The following MIPOL1 variants were observed in gnomAD, a reference collection of about 807,000 sequenced individuals.
The protein encoded by MIPOL1 is mirror-image polydactyly 1.
In MIPOL1, 57 loss-of-function variants were observed where a neutral mutation model predicts 60.9. The ratio of observed to expected loss-of-function variants is 0.94; its 90% CI spans 0.76 to 1.17. MIPOL1 has a LOEUF of 1.17. MIPOL1 is among the 50% of genes most tolerant of loss of function. The pLI is 0.00. For synonymous variants in MIPOL1, 179 were observed against 168.8 expected (o/e 1.06, Z -0.47); for missense variants, 551 against 511.6 (o/e 1.08, Z -0.74).
At chr14:37,351,858 T>C (rs1384963170) in intron 9 of MIPOL1, among the ~76,000 whole-genome samples, 1 of 150,878 alleles carries the variant, frequency 6.6e-6, no homozygotes, top group South Asian at 2.1e-4. Flanking sequence ...ATTTTGTAGG[T>C]TGCCTGTTCA....
At position 37,532,082 on chromosome 14, in the gene MIPOL1, T is replaced by G. The variant is rs572531207; in HGVS notation, c.1263-14823T>G. Among the ~76,000 whole-genome samples, 36 of 152,298 alleles carry G rather than the reference T, an allele frequency of 2.4e-4. No individual in the cohort carries two copies. The East Asian group carries it at 6.9e-3, about 29-fold the overall frequency. On this transcript the variant is annotated intron_variant, in intron 12 of 12. Coordinates refer to ENST00000684589, the MANE Select transcript of MIPOL1 (RefSeq NM_001388067.1). ...TTCGTAACTCTCTAAATCATAATCA[T>G]TATAAATAAATGAGGCCTTAATTGT...
chr14:37,417,499 A>G (rs1336321029), intron 10 of MIPOL1, among the ~76,000 whole-genome samples: 1 of 152,184 alleles, frequency 6.6e-6, no homozygotes, highest in Admixed American at 6.5e-5. Context: ...AAGCAATCCA[A>G]GCCTTCCTGT....
chr14:37,210,006 G>T (rs949979047), intron 1 of MIPOL1, among the ~76,000 whole-genome samples: 2 of 151,990 alleles, frequency 1.3e-5, no homozygotes, highest in Non-Finnish European at 2.9e-5. Context: ...ACTGCACCCT[G>T]CCAGATGGAT....
At chr14:37,323,593 T>C (rs2088837804) in intron 9 of MIPOL1, among the ~76,000 whole-genome samples, 1 of 152,056 alleles carries the variant, frequency 6.6e-6, no homozygotes, top group Non-Finnish European at 1.5e-5. Context: ...ACTTTTTATT[T>C]GCTCACAATT....
intron 12 of MIPOL1, chr14:37,504,227 A>G (rs1241001098): frequency 6.6e-6 from 1 of 152,190 alleles, no homozygotes; most frequent in African/African-American, 2.4e-5. Context: ...GATATCCAGG[A>G]CTTGAACTCA....
At chr14:37,246,817 T>C (rs1200619274) in intron 1 of MIPOL1, among the ~76,000 whole-genome samples, 1 of 152,098 alleles carries the variant, frequency 6.6e-6, no homozygotes. Flanking sequence ...TTTTACTAAT[T>C]GCTGGCATTC....
chr14:37,407,533 A>G (rs1355894966), intron 10 of MIPOL1, among the ~76,000 whole-genome samples: 1 of 152,200 alleles, frequency 6.6e-6, no homozygotes, highest in African/African-American at 2.4e-5. Context: ...GTAAGTTAGA[A>G]TATGTGGCCG....
chr14:37,228,766 G>A (rs1018807872), intron 1 of MIPOL1, among the ~76,000 whole-genome samples: 2 of 152,112 alleles, frequency 1.3e-5, no homozygotes, highest in African/African-American at 4.8e-5. Flanking sequence ...TGTGTAATTA[G>A]TGTTGCAAGG....
At chr14:37,237,761 G>C (rs1971715116) in intron 1 of MIPOL1, among the ~76,000 whole-genome samples, 1 of 152,130 alleles carries the variant, frequency 6.6e-6, no homozygotes, top group Admixed American at 6.6e-5. Flanking sequence ...GTCTGGCTAA[G>C]ACACTGTGCA....
intron 9 of MIPOL1, among the ~76,000 whole-genome samples, chr14:37,363,771 A>G (rs2092370989): frequency 6.6e-6 from 1 of 152,108 alleles, no homozygotes; most frequent in Non-Finnish European, 1.5e-5. Context: ...GGCCTTCCCG[A>G]GCTGTGGTGG....
chr14:37,500,141 A>G lies in MIPOL1; in HGVS notation c.1262+3A>G, dbSNP rs778212331. On this transcript the variant is annotated splice_donor_region_variant and intron_variant, in intron 12 of 12. Coordinates refer to ENST00000684589, the MANE Select transcript of MIPOL1 (RefSeq NM_001388067.1). Reference sequence around the variant, plus strand: ...GTGGCCAATGAAAAAGTTCAAAAGTAAGTTAAATGATCTTGTAATAATACT... The same window carrying G: ...GTGGCCAATGAAAAAGTTCAAAAGTGAGTTAAATGATCTTGTAATAATACT... 5.7e-6 allele frequency: 9 copies of G among 1,577,488 alleles called. No individual in the cohort carries two copies. In the South Asian group the frequency reaches 7.9e-5, roughly 14 times the overall value.
intron 12 of MIPOL1, chr14:37,545,892 CTG>C (rs1281525172): frequency 2.8e-6 from 1 of 354,850 alleles, no homozygotes; most frequent in Non-Finnish European, 5.1e-6. Context: ...GCAGACTAGA[CTG>C]TGCCGCTTAC....
intron 1 of MIPOL1, among the ~76,000 whole-genome samples, chr14:37,245,739 G>GA (rs746106746): frequency 1.3e-5 from 2 of 152,104 alleles, no homozygotes; most frequent in Non-Finnish European, 2.9e-5. Context: ...TATCAGAGAA[G>GA]ATGTTCAAAT....
chr14:37,523,399 A>G (rs1314909962), intron 12 of MIPOL1: 4 of 352,452 alleles, frequency 1.1e-5, no homozygotes, highest in Non-Finnish European at 2.1e-5. Flanking sequence ...AAATCATTAC[A>G]GATATCCCAG....
Position 37,308,049 on chromosome 14 carries a change from T to C in MIPOL1, c.624-7T>C. The C allele has an allele frequency of 1.2e-6, 2 of 1,609,940 alleles. No homozygotes were observed. The highest frequency in any genetic ancestry group is 1.7e-6 in the Non-Finnish European group (2 of 1,177,762). ...CTGATCAGGCTTTCTGTGTCCCTTT[T>C]TTCTAGGCTAGAAAATATTAACCCT... On this transcript the variant is annotated splice_region_variant and splice_polypyrimidine_tract_variant and intron_variant, in intron 7 of 12. Transcript: ENST00000684589.
chr14:37,229,654 A>C lies in MIPOL1; in HGVS notation c.-198-17449A>C, dbSNP rs191581661. 5.3e-3 allele frequency among the ~76,000 whole-genome samples: 810 copies of C among 152,264 alleles called. 6 individuals carry two copies. Among genetic ancestry groups the C allele is most frequent in the Non-Finnish European group, 9.0e-3 (610 of 68,014 alleles). On this transcript the variant is annotated intron_variant, in intron 1 of 12. Transcript: ENST00000684589. ...AGAAATAAAACTATTAGGAGGAAAAATCTGTTACGGTCACTACTGATTATA... is the reference window on the plus strand; with the variant it reads ...AGAAATAAAACTATTAGGAGGAAAACTCTGTTACGGTCACTACTGATTATA...
chr14:37,509,541 G>A (rs867458679), intron 12 of MIPOL1, among the ~76,000 whole-genome samples: 2 of 151,644 alleles, frequency 1.3e-5, no homozygotes, highest in Non-Finnish European at 2.9e-5. Context: ...GAGGAACAGA[G>A]CACGTTTCTA....
In MIPOL1 at chr14:37,200,875, TGTGTGTGTGTGTGTGTGTGTG is replaced by T. The variant is rs1566964782; in HGVS notation, c.-199+2772_-199+2792del. 1.3e-3 allele frequency among the ~76,000 whole-genome samples: 152 copies of T among 118,424 alleles called. 14 individuals are homozygous for T. The highest frequency in any genetic ancestry group is 4.9e-3 in the African/African-American group (139 of 28,636). 77.7% of individuals were successfully genotyped at this position (118,424 alleles called of 152,430 possible). On this transcript the variant is annotated intron_variant, in intron 1 of 12. Coordinates refer to ENST00000684589, the MANE Select transcript of MIPOL1 (RefSeq NM_001388067.1). Reference sequence around the variant, plus strand: ...ATGTGTGTGTGTGTGTGTGTGTGTGTGTGTGTGTGTGTGTGTGTGTGTGTATTTTTTTTTTTTTTTTTTTTG... The same window carrying T: ...ATGTGTGTGTGTGTGTGTGTGTGTGTTGTATTTTTTTTTTTTTTTTTTTTG...
intron 9 of MIPOL1, among the ~76,000 whole-genome samples, chr14:37,364,569 C>G (rs373019492): frequency 6.6e-6 from 1 of 152,018 alleles, no homozygotes; most frequent in Non-Finnish European, 1.5e-5. Context: ...GTTTTCTATT[C>G]TGTTCCATTG....
Sources: allele counts gnomAD v4.1 joint callset (sites outside exome capture counted in the v4.1 genomes callset), GRCh38; gene constraint gnomAD v4.1.1; transcripts MANE v1.5; gene names NCBI Gene and HGNC (gene_info 2026-07-23, HGNC 2026-07-21).